The following FSTL4 variants were observed in gnomAD, a reference collection of about 807,000 sequenced individuals.
FSTL4 encodes the protein follistatin-related protein 4.
FSTL4 carries 28 observed loss-of-function variants against 78.2 expected under a neutral mutation model. The ratio of observed to expected loss-of-function variants is 0.36; its 90% CI spans 0.27 to 0.49. The LOEUF is 0.49. Ranked by LOEUF, FSTL4 falls within the 20% of genes least tolerant of loss-of-function variation. The pLI is 0.98. For missense variants in FSTL4, 922 were observed against 1,084.9 expected (o/e 0.85, Z 2.11); for synonymous variants, 422 against 440.5 (o/e 0.96, Z 0.53).
At chr5:133,305,549 C>A (rs1753638353) in intron 6 of FSTL4, among the ~76,000 whole-genome samples, 1 of 152,174 alleles carries the variant, frequency 6.6e-6, no homozygotes, top group African/African-American at 2.4e-5. Flanking sequence ...TCCTCCTGCA[C>A]CCAGGACGCT....
At chr5:133,816,023 G>C in the FSTL4 span, among the ~76,000 whole-genome samples, 1 of 152,310 alleles carries the variant, frequency 6.6e-6, no homozygotes, top group African/African-American at 2.4e-5. Context: ...AGACAAGAAG[G>C]ATAGAGTTAA....
At chr5:133,229,306 G>A (rs181468113) in intron 8 of FSTL4, among the ~76,000 whole-genome samples, 28 of 152,278 alleles carry the variant, frequency 1.8e-4, no homozygotes, top group Non-Finnish European at 3.7e-4. Flanking sequence ...CGGATCGCTC[G>A]AGTCCAGGAG....
intron 3 of FSTL4, among the ~76,000 whole-genome samples, chr5:133,449,266 T>C (rs1340562021): frequency 6.6e-6 from 1 of 152,194 alleles, no homozygotes; most frequent in African/African-American, 2.4e-5. Context: ...TTCCTGGCAC[T>C]GAGATGACCC....
chr5:133,561,139 A>T (rs1196012206), intron 3 of FSTL4, among the ~76,000 whole-genome samples: 1 of 137,204 alleles, frequency 7.3e-6, no homozygotes, highest in Non-Finnish European at 1.6e-5. Context: ...TAATAATAAT[A>T]ATTCTTCATG....
chr5:133,254,498 G>A (rs915522729), intron 6 of FSTL4, among the ~76,000 whole-genome samples: 1 of 152,208 alleles, frequency 6.6e-6, no homozygotes, highest in Admixed American at 6.5e-5. Context: ...TGTTTGGGCT[G>A]GGGTAAAATG....
intron 3 of FSTL4, among the ~76,000 whole-genome samples, chr5:133,543,691 G>A (rs1368044261): frequency 6.6e-6 from 1 of 151,656 alleles, no homozygotes; most frequent in Non-Finnish European, 1.5e-5. Context: ...ATGTTTGTTT[G>A]TTTGTCAAAT....
the FSTL4 span, among the ~76,000 whole-genome samples, chr5:133,792,455 T>G: frequency 6.6e-6 from 1 of 152,244 alleles, no homozygotes; most frequent in Non-Finnish European, 1.5e-5. Flanking sequence ...TGCAACCTCA[T>G]TCTCTGAGAA....
At chr5:133,204,089 G>T (rs1342051930) in intron 14 of FSTL4, among the ~76,000 whole-genome samples, 1 of 152,222 alleles carries the variant, frequency 6.6e-6, no homozygotes, top group African/African-American at 2.4e-5. Flanking sequence ...GGACAGCAAG[G>T]CTGGGCATCT....
rs1425309476 is a variant in FSTL4, at chr5:133,228,752, G to A, written c.1016-2933C>T. 5.3e-5 allele frequency among the ~76,000 whole-genome samples: 8 copies of A among 152,038 alleles called. No homozygotes were observed. In the South Asian group the frequency reaches 6.2e-4, roughly 12 times the overall value. On this transcript the variant is annotated intron_variant, in intron 8 of 15. Coordinates refer to ENST00000265342, the MANE Select transcript of FSTL4 (RefSeq NM_015082.2). ...ATAGGAACAGAATGATATTTTCTTC[G>A]TGCAATGCAGAATATCTCTATAAAA...
At chr5:133,241,470 A>G (rs971100114) in intron 7 of FSTL4, among the ~76,000 whole-genome samples, 1 of 152,202 alleles carries the variant, frequency 6.6e-6, no homozygotes, top group Admixed American at 6.5e-5. Flanking sequence ...GGCACCTGCA[A>G]CAGAAGGCTC....
chr5:133,350,602 C>T (rs927776133), intron 4 of FSTL4, among the ~76,000 whole-genome samples: 1 of 152,188 alleles, frequency 6.6e-6, no homozygotes, highest in Non-Finnish European at 1.5e-5. Context: ...AGGTACGATC[C>T]ACATAATGGA....
the FSTL4 span, among the ~76,000 whole-genome samples, chr5:133,812,689 G>T: frequency 2.0e-5 from 3 of 152,150 alleles, no homozygotes; most frequent in African/African-American, 7.2e-5. Flanking sequence ...CATCCATGCA[G>T]CTATCACTGC....
chr5:133,717,215 C>G, the FSTL4 span, among the ~76,000 whole-genome samples: 1 of 152,262 alleles, frequency 6.6e-6, no homozygotes, highest in Non-Finnish European at 1.5e-5. Flanking sequence ...AGTGGATAAG[C>G]AAACTGGTAT....
intron 3 of FSTL4, among the ~76,000 whole-genome samples, chr5:133,532,771 C>T (rs1254290530): frequency 6.6e-6 from 1 of 152,164 alleles, no homozygotes; most frequent in Non-Finnish European, 1.5e-5. Flanking sequence ...TCACCTGTGG[C>T]CATCCTGGCT....
chr5:133,518,048 G>A (rs1420515661), intron 3 of FSTL4, among the ~76,000 whole-genome samples: 22 of 152,176 alleles, frequency 1.4e-4, no homozygotes, highest in Non-Finnish European at 8.8e-5. Context: ...TAGGCACTAT[G>A]GCCTAGCCAA....
At chr5:133,342,325 T>C (rs1754601220) in intron 4 of FSTL4, among the ~76,000 whole-genome samples, 1 of 152,092 alleles carries the variant, frequency 6.6e-6, no homozygotes, top group Non-Finnish European at 1.5e-5. Context: ...CAGGGGCAGG[T>C]TGCAGAGAAG....
chr5:133,324,497 C>T (rs979461228), intron 4 of FSTL4, among the ~76,000 whole-genome samples: 1 of 152,240 alleles, frequency 6.6e-6, no homozygotes, highest in Non-Finnish European at 1.5e-5. Context: ...CACACCAATC[C>T]TGCCTAACGG....
intron 3 of FSTL4, among the ~76,000 whole-genome samples, chr5:133,497,661 T>G (rs1163017496): frequency 6.6e-6 from 1 of 152,172 alleles, no homozygotes; most frequent in Non-Finnish European, 1.5e-5. Flanking sequence ...GAGTCTATGA[T>G]GCATAGACAT....
At chr5:133,684,797 A>G in the FSTL4 span, among the ~76,000 whole-genome samples, 1 of 152,218 alleles carries the variant, frequency 6.6e-6, no homozygotes, top group Non-Finnish European at 1.5e-5. Context: ...CATGTAAGGA[A>G]GAAATCAAGC....
Sources: gnomAD v4.1 joint callset for allele counts (sites outside exome capture counted in the v4.1 genomes callset) on GRCh38, gnomAD v4.1.1 for gene constraint, MANE v1.5 for transcripts, NCBI Gene and HGNC (gene_info 2026-07-23, HGNC 2026-07-21) for gene names.